Variants in RNFT2 observed in about 807,000 individuals in gnomAD.
RNFT2 encodes ring finger protein, transmembrane 2.
Under a neutral mutation model 53.0 loss-of-function variants are expected in RNFT2, and 36 were observed. That is an observed-to-expected ratio of 0.68 (90% CI 0.52 to 0.90). The LOEUF is 0.90. Ranked by LOEUF, RNFT2 falls within the 40% of genes least tolerant of loss-of-function variation. The pLI is 0.00. For synonymous variants in RNFT2, 260 were observed against 253.2 expected, an observed-to-expected ratio of 1.03 and a Z score of -0.26; for missense variants, 514 against 585.6, an observed-to-expected ratio of 0.88 and a Z score of 1.26.
chr12:116,817,397 G>A (rs1247840354), intron 7 of RNFT2, among the ~76,000 whole-genome samples: 1 of 152,138 alleles, frequency 6.6e-6, no homozygotes, highest in African/African-American at 2.4e-5. Flanking sequence ...CAATCCTCAT[G>A]CCTCAACCTC....
At position 116,849,846 on chromosome 12, in the gene RNFT2, T is replaced by TTCC. The variant is rs1375478165; in HGVS notation, c.*399_*400insCCT. 197 of 91,784 alleles carry TTCC rather than the reference T, an allele frequency of 2.1e-3. 1 individual carries two copies. The South Asian group carries it at 0.025, about 12-fold the overall frequency. 5.7% of individuals were successfully genotyped at this position (91,784 alleles called of 1,614,324 possible). A position where few individuals can be genotyped will look rare whatever the true frequency, so the allele number is the denominator to read the frequency against. On this transcript the variant is annotated 3_prime_UTR_variant, in exon 11 of 11. Transcript: ENST00000257575. The stretch of plus-strand genomic sequence containing the variant: ...CCTCCCTCCTTCCTTCCTTCCTTCC[T>TTCC]TTTTTTTTTTTTTTTAAAACAAGGT...
chr12:116,772,568 G>T (rs1358303280), intron 6 of RNFT2, among the ~76,000 whole-genome samples: 1 of 152,100 alleles, frequency 6.6e-6, no homozygotes, highest in East Asian at 1.9e-4. Flanking sequence ...GCCTCCCAAA[G>T]TGCTGGGATT....
At chr12:116,785,717 C>T (rs1873905774) in intron 7 of RNFT2, among the ~76,000 whole-genome samples, 1 of 152,164 alleles carries the variant, frequency 6.6e-6, no homozygotes, top group Non-Finnish European at 1.5e-5. Flanking sequence ...TAGCTCAATC[C>T]TGCCCTGTGC....
chr12:116,807,681 G>A (rs908285759), intron 7 of RNFT2, among the ~76,000 whole-genome samples: 6 of 152,038 alleles, frequency 3.9e-5, no homozygotes, highest in African/African-American at 9.7e-5. Context: ...CAGAACCATC[G>A]AAACTGCTCC....
chr12:116,838,983 T>C (rs1877114623), intron 10 of RNFT2, among the ~76,000 whole-genome samples: 2 of 152,228 alleles, frequency 1.3e-5, no homozygotes, highest in South Asian at 2.1e-4. Flanking sequence ...CATAGGTAAA[T>C]GGGTCATGCT....
chr12:116,820,878 A>G (rs1163977134), intron 7 of RNFT2, among the ~76,000 whole-genome samples: 1 of 152,164 alleles, frequency 6.6e-6, no homozygotes, highest in Non-Finnish European at 1.5e-5. Context: ...TAAGTGTTCA[A>G]CCGAGAAACT....
chr12:116,851,368 G>A lies in RNFT2; in HGVS notation c.*1920G>A, dbSNP rs1166523891. 1.4e-5 allele frequency: 3 copies of A among 222,102 alleles called. No individual in the cohort carries two copies. The highest frequency in any genetic ancestry group is 1.1e-4 in the East Asian group (1 of 9,036). The allele number at this position is 222,102 out of a possible 1,614,324, so 13.8% of individuals were successfully genotyped here. On this transcript the variant is annotated 3_prime_UTR_variant, in exon 11 of 11. Coordinates refer to ENST00000257575, the MANE Select transcript of RNFT2 (RefSeq NM_001382266.1). ...GGCACACTCCGCTATCCCCAGCAGA[G>A]CCCGCACTCTTAACCTCCGCACTGC...
At position 116,779,242 on chromosome 12, in the gene RNFT2, T is replaced by C; in HGVS notation, c.776T>C (p.Leu259Pro). Residue 259 changes from leucine (L) to proline (P), a missense_variant, in exon 7 of 11, where the codon CTG becomes CCG. By Grantham distance (98) the Leu-to-Pro change is moderately conservative. Around this residue, in one of 3 missense-constraint regions of RNFT2, gnomAD observed 273 missense variants for 334.4 expected, o/e 0.82. Coordinates refer to ENST00000257575, the MANE Select transcript of RNFT2 (RefSeq NM_001382266.1). Reference sequence around the variant, plus strand: ...CTGGAGATGCTGGACTTCTTTGACCTGCTATGGATTGTGGGGATCGCAGAC... The same window carrying C: ...CTGGAGATGCTGGACTTCTTTGACCCGCTATGGATTGTGGGGATCGCAGAC... ...PNLEMLDFFD[L>P]LWIVGIADFV... 6.2e-7 allele frequency: 1 copy of C among 1,614,014 alleles called. No individual in the cohort carries two copies. Among genetic ancestry groups the C allele is most frequent in the Non-Finnish European group, 8.5e-7 (1 of 1,179,894 alleles).
intron 10 of RNFT2, among the ~76,000 whole-genome samples, chr12:116,848,290 A>G (rs183105421): frequency 3.3e-4 from 51 of 152,310 alleles, no homozygotes; most frequent in African/African-American, 1.2e-3. Context: ...TATTGTGAAT[A>G]GTGCTGCAGT....
chr12:116,818,245 C>G (rs1452361060), intron 7 of RNFT2, among the ~76,000 whole-genome samples: 4 of 151,810 alleles, frequency 2.6e-5, no homozygotes, highest in African/African-American at 9.7e-5. Context: ...CTCGCTTGAG[C>G]CCAGGAACTC....
intron 2 of RNFT2, 77 bp downstream of exon 2, chr12:116,740,598 G>C (rs764750540): frequency 3.7e-6 from 5 of 1,337,110 alleles, no homozygotes; most frequent in Non-Finnish European, 5.2e-6. Flanking sequence ...GTTTTGGTTT[G>C]ACCACTCCAC....
chr12:116,841,856 AAAATATATATAT>A (rs1417619347), intron 10 of RNFT2, among the ~76,000 whole-genome samples: 5 of 24,124 alleles, frequency 2.1e-4, no homozygotes, highest in South Asian at 8.3e-4. Flanking sequence ...AATATATATA[AAAATATATATAT>A]AAATATATAT....
chr12:116,802,534 A>C (rs930546604), intron 7 of RNFT2, among the ~76,000 whole-genome samples: 2 of 152,162 alleles, frequency 1.3e-5, no homozygotes, highest in Non-Finnish European at 2.9e-5. Context: ...GTCCGCTAAA[A>C]CTGAAGTTAG....
chr12:116,753,933 T>C, intron 4 of RNFT2, 51 bp from the exon 5 acceptor site: 2 of 1,465,350 alleles, frequency 1.4e-6, no homozygotes, highest in Non-Finnish European at 1.9e-6. Context: ...GCACCTGGGC[T>C]AGGCCTGATG....
intron 7 of RNFT2, among the ~76,000 whole-genome samples, chr12:116,811,392 T>C (rs539843503): frequency 6.6e-6 from 1 of 152,082 alleles, no homozygotes; most frequent in South Asian, 2.1e-4. Flanking sequence ...TTTCCTTTTT[T>C]TGAGACAGAG....
At chr12:116,789,597 G>A (rs1314797046) in intron 7 of RNFT2, among the ~76,000 whole-genome samples, 6 of 144,932 alleles carry the variant, frequency 4.1e-5, no homozygotes, top group African/African-American at 1.6e-4. Flanking sequence ...TAGGAGAGTG[G>A]TGGGTGGATG....
chr12:116,799,499 G>T (rs1431363464), intron 7 of RNFT2, among the ~76,000 whole-genome samples: 2 of 152,186 alleles, frequency 1.3e-5, no homozygotes, highest in African/African-American at 4.8e-5. Context: ...TTTGCTGGGT[G>T]CCCACCGCAC....
intron 10 of RNFT2, among the ~76,000 whole-genome samples, chr12:116,839,455 G>A (rs1486737045): frequency 6.6e-6 from 1 of 151,482 alleles, no homozygotes; most frequent in Non-Finnish European, 1.5e-5. Flanking sequence ...ATGGATGGAT[G>A]GATGGATGAA....
chr12:116,789,638 G>C (rs1251766400), intron 7 of RNFT2, among the ~76,000 whole-genome samples: 6 of 126,738 alleles, frequency 4.7e-5, no homozygotes, highest in Admixed American at 1.0e-4. Context: ...GAGGAGAGTG[G>C]ATGGATGGAT....
Sources: allele counts gnomAD v4.1 joint callset (sites outside exome capture counted in the v4.1 genomes callset), GRCh38; gene constraint gnomAD v4.1.1; regional missense constraint gnomAD v4.1.1; transcripts MANE v1.5; gene names NCBI Gene and HGNC (gene_info 2026-07-23, HGNC 2026-07-21).